The following ST8SIA6 variants were observed in gnomAD, a reference collection of about 807,000 sequenced individuals.
ST8SIA6 encodes ST8 alpha-N-acetyl-neuraminide alpha-2,8-sialyltransferase 6.
ST8SIA6 carries 39 observed loss-of-function variants against 33.6 expected under a neutral mutation model. That is an observed-to-expected ratio of 1.16 (90% confidence interval 0.90 to 1.52). ST8SIA6 has a LOEUF of 1.52. Ranked by LOEUF, ST8SIA6 falls within the 40% of genes most tolerant of loss-of-function variation. The pLI is 0.00. For synonymous variants in ST8SIA6, 172 were observed against 167.2 expected (o/e 1.03, Z -0.22); for missense variants, 441 against 443.8 (o/e 0.99, Z 0.06).
At chr10:17,382,512 G>A (rs1016272208) in intron 3 of ST8SIA6, among the ~76,000 whole-genome samples, 3 of 152,038 alleles carry the variant, frequency 2.0e-5, no homozygotes, top group Non-Finnish European at 4.4e-5. Flanking sequence ...GTGATCTGCC[G>A]GCCTCAGCCT....
At chr10:17,389,692 C>A (rs1250279320) in intron 3 of ST8SIA6, among the ~76,000 whole-genome samples, 1 of 152,088 alleles carries the variant, frequency 6.6e-6, no homozygotes, top group Non-Finnish European at 1.5e-5. Flanking sequence ...GTTCACCTGG[C>A]TGAAATTGTA....
chr10:17,338,031 CTTTTT>C (rs71393003), intron 4 of ST8SIA6, among the ~76,000 whole-genome samples: 69,030 of 131,482 alleles, frequency 0.53, 17,258 homozygotes, highest in African/African-American at 0.62. Context: ...AAATACTATT[CTTTTT>C]TTTTTTTTTT....
chr10:17,375,942 T>A lies in ST8SIA6; in HGVS notation c.290+14589A>T, dbSNP rs183925617. Among the ~76,000 whole-genome samples the A allele has an allele frequency of 2.1e-3, 314 of 152,320 alleles. 1 individual carries two copies. Among genetic ancestry groups the A allele is most frequent in the Non-Finnish European group, 1.3e-3 (91 of 68,026 alleles). On this transcript the variant is annotated intron_variant, in intron 3 of 7. Transcript: ENST00000377602. ...AGAATGATCAGAATGGTAGAGCTAT[T>A]TAATACATACGTGGCAGAGACGCCT...
chr10:17,394,999 A>G (rs967157094), intron 2 of ST8SIA6, among the ~76,000 whole-genome samples: 1 of 152,142 alleles, frequency 6.6e-6, no homozygotes, highest in Admixed American at 6.5e-5. Context: ...GTCCCCACCC[A>G]TATCTCATCT....
intron 4 of ST8SIA6, among the ~76,000 whole-genome samples, chr10:17,354,934 C>T (rs1317005818): frequency 2.0e-5 from 3 of 152,120 alleles, no homozygotes; most frequent in Admixed American, 6.6e-5. Context: ...TTCATGTTTC[C>T]GGGTAAAAGC....
intron 2 of ST8SIA6, among the ~76,000 whole-genome samples, chr10:17,419,131 CTG>C (rs1403737691): frequency 2.0e-5 from 3 of 151,852 alleles, no homozygotes; most frequent in Non-Finnish European, 4.4e-5. Context: ...CTCAACTTCT[CTG>C]TGATTCATTA....
intron 2 of ST8SIA6, among the ~76,000 whole-genome samples, chr10:17,404,122 T>C (rs1851158406): frequency 6.6e-6 from 1 of 150,388 alleles, no homozygotes; most frequent in South Asian, 2.1e-4. Context: ...TATTGAATGG[T>C]CATTAGGTGC....
intron 6 of ST8SIA6, among the ~76,000 whole-genome samples, chr10:17,323,428 G>A (rs7897054): frequency 0.026 from 3,258 of 125,504 alleles, 133 homozygotes; most frequent in African/African-American, 0.095. Context: ...GCAGAGTCTC[G>A]CTCTGTTGCC....
At chr10:17,408,372 A>G (rs1017390019) in intron 2 of ST8SIA6, 1 of 152,260 alleles carries the variant, frequency 6.6e-6, no homozygotes, top group Non-Finnish European at 1.5e-5. Context: ...TGCTAATTAA[A>G]TATTTCCTCA....
intron 2 of ST8SIA6, among the ~76,000 whole-genome samples, chr10:17,438,157 G>C (rs61844069): frequency 0.26 from 40,140 of 152,004 alleles, 8,153 homozygotes; most frequent in African/African-American, 0.57. Flanking sequence ...GTCTTTCCCT[G>C]TCCTGGTTAT....
At position 17,327,084 on chromosome 10, in the gene ST8SIA6, C is replaced by T. The variant is rs1848157936; in HGVS notation, c.565G>A (p.Val189Ile). The T allele has an allele frequency of 2.5e-6, 4 of 1,609,654 alleles. No individual in the cohort carries two copies. Among genetic ancestry groups the T allele is most frequent in the Non-Finnish European group, 3.4e-6 (4 of 1,178,316 alleles). Residue 189 changes from valine (V) to isoleucine (I), a missense_variant, in exon 6 of 8, where the codon GTC (valine) becomes ATC (isoleucine). Coordinates refer to ENST00000377602, the MANE Select transcript of ST8SIA6 (RefSeq NM_001004470.3). ...TTATTCAGAATTCCCCCATTTCCGA[C>T]CACTGCACACTGATTATAAGGGTAG... ...VDYPYNQCAV[V>I]GNGGILNKSL...
At chr10:17,332,414 T>C (rs1848329753) in intron 4 of ST8SIA6, among the ~76,000 whole-genome samples, 1 of 152,184 alleles carries the variant, frequency 6.6e-6, no homozygotes, top group Non-Finnish European at 1.5e-5. Flanking sequence ...CCACCAACAG[T>C]GTAAAAGCAT....
At chr10:17,366,931 A>G (rs1219836072) in intron 3 of ST8SIA6, among the ~76,000 whole-genome samples, 3 of 152,242 alleles carry the variant, frequency 2.0e-5, no homozygotes, top group Non-Finnish European at 4.4e-5. Flanking sequence ...GTCAGCCTCA[A>G]GGACATGCAG....
At position 17,321,252 on chromosome 10, in the gene ST8SIA6, C is replaced by T. The variant is rs771958958; in HGVS notation, c.823G>A (p.Ala275Thr). The T allele has an allele frequency of 1.1e-5, 17 of 1,613,782 alleles. No homozygotes were observed. In the East Asian group the frequency reaches 2.2e-4, roughly 21 times the overall value. ...ACTTTGAAAGAGGTACCCGTGTTGGCCCTGAAGGAAAATGCTGGCAGAAGA... is the reference window on the plus strand; with the variant it reads ...ACTTTGAAAGAGGTACCCGTGTTGGTCCTGAAGGAAAATGCTGGCAGAAGA... ...FFLLPAFSFR[A>T]NTGTSFKVYY... is the part of the protein sequence containing the mutation. The change falls in exon 8 of 8, where the codon GCC (alanine) becomes ACC (threonine). Residue 275 changes from alanine to threonine, a missense_variant. Physicochemically the swap from Ala to Thr is moderately conservative, Grantham distance 58. Transcript: ENST00000377602.
At chr10:17,443,045 A>G (rs986781418) in intron 2 of ST8SIA6, among the ~76,000 whole-genome samples, 2 of 152,214 alleles carry the variant, frequency 1.3e-5, no homozygotes, top group African/African-American at 2.4e-5. Flanking sequence ...AAGCGTAAAT[A>G]CTTTGGTATA....
chr10:17,427,520 CA>C (rs1436263214), intron 2 of ST8SIA6, among the ~76,000 whole-genome samples: 1 of 152,236 alleles, frequency 6.6e-6, no homozygotes, highest in East Asian at 1.9e-4. Flanking sequence ...TGCACCATCA[CA>C]GCATGAGCCG....
At chr10:17,424,955 A>C (rs1851890116) in intron 2 of ST8SIA6, among the ~76,000 whole-genome samples, 1 of 151,652 alleles carries the variant, frequency 6.6e-6, no homozygotes, top group Non-Finnish European at 1.5e-5. Context: ...GGCTGGTCTT[A>C]AACTTCTGGC....
chr10:17,395,827 G>A (rs921375616), intron 2 of ST8SIA6, among the ~76,000 whole-genome samples: 1 of 152,166 alleles, frequency 6.6e-6, no homozygotes, highest in Non-Finnish European at 1.5e-5. Flanking sequence ...AGGTTGTGGT[G>A]AGCCGAGATT....
chr10:17,362,464 A>G (rs539525623), intron 3 of ST8SIA6, among the ~76,000 whole-genome samples: 1 of 152,348 alleles, frequency 6.6e-6, no homozygotes, highest in Admixed American at 6.5e-5. Flanking sequence ...TTATGAACCT[A>G]CAGTATATTT....
Sources: allele counts gnomAD v4.1 joint callset (sites outside exome capture counted in the v4.1 genomes callset), GRCh38; gene constraint gnomAD v4.1.1; transcripts MANE v1.5; gene names NCBI Gene and HGNC (gene_info 2026-07-23, HGNC 2026-07-21).